MTMR3: variants seen among roughly 807,000 people sequenced by gnomAD.
The protein encoded by MTMR3 is myotubularin related protein 3.
In MTMR3, 32 loss-of-function variants were observed where a neutral mutation model predicts 132.4. The ratio of observed to expected loss-of-function variants is 0.24; its 90% confidence interval spans 0.18 to 0.32. The LOEUF (loss-of-function observed/expected upper bound fraction) is 0.32, where lower values mean the gene tolerates loss of function less well. Ranked by LOEUF, MTMR3 falls within the 10% of genes least tolerant of loss-of-function variation. The pLI is 1.00. For synonymous variants in MTMR3, 556 were observed against 550.3 expected, an observed-to-expected ratio of 1.01 and a Z score of -0.14; for missense variants, 1,216 against 1,489.6, an observed-to-expected ratio of 0.82 and a Z score of 3.02.
intron 1 of MTMR3, among the ~76,000 whole-genome samples, chr22:29,909,927 G>A (rs906657553): frequency 1.1e-4 from 17 of 150,450 alleles, no homozygotes; most frequent in Non-Finnish European, 1.3e-4. Context: ...AGGCCGAGGC[G>A]GGCGGATCAT....
chr22:29,986,587 A>C, intron 5 of MTMR3: 2 of 984,588 alleles, frequency 2.0e-6, no homozygotes, highest in Non-Finnish European at 2.4e-6. Flanking sequence ...CCTTGGGGTT[A>C]AGGACGTAAA....
chr22:29,991,417 A>G lies in MTMR3; in HGVS notation c.294-87A>G, dbSNP rs1483023555. The G allele has an allele frequency of 1.3e-5, 17 of 1,357,368 alleles. 1 individual carries two copies. The South Asian group carries it at 1.9e-4, about 15-fold the overall frequency. The allele number at this position is 1,357,368 out of a possible 1,614,324, so 84.1% of individuals were successfully genotyped here. On this transcript the variant is annotated intron_variant, in intron 6 of 19. Transcript: ENST00000401950. Reference sequence around the variant, plus strand: ...TGGTTGTAGTTCCCACTTCACTACGAGTGGGCATTCTTGAAATAATGGCTT... The same window carrying G: ...TGGTTGTAGTTCCCACTTCACTACGGGTGGGCATTCTTGAAATAATGGCTT...
At chr22:30,010,387 TG>T (rs1193116476) in intron 12 of MTMR3, 7 of 152,174 alleles carry the variant, frequency 4.6e-5, no homozygotes, top group Admixed American at 1.3e-4. Context: ...ATAAATGTCT[TG>T]GGGATTTTAT....
At position 30,020,185 on chromosome 22, in the gene MTMR3, G is replaced by A; in HGVS notation, c.2526G>A (p.Val842=). ...CTTTTGAGACCAGAGGACCAAACGTGGACAGTTCTACAGACATGTTAGTGG... is the reference window on the plus strand; with the variant it reads ...CTTTTGAGACCAGAGGACCAAACGTAGACAGTTCTACAGACATGTTAGTGG... The part of the protein sequence containing the change: ...QVPFETRGPN[V]DSSTDMLVED... Residue 842 remains valine (V), a synonymous_variant, in exon 17 of 20, where the codon GTG becomes GTA. Coordinates refer to ENST00000401950, the MANE Select transcript of MTMR3 (RefSeq NM_021090.4). The A allele has an allele frequency of 1.2e-6, 2 of 1,614,188 alleles. No individual in the cohort carries two copies. Among genetic ancestry groups the A allele is most frequent in the Non-Finnish European group, 1.7e-6 (2 of 1,180,050 alleles).
chr22:30,012,679 T>G, intron 13 of MTMR3, 116 bp downstream of exon 13: 1 of 1,171,986 alleles, frequency 8.5e-7, no homozygotes, highest in African/African-American at 1.5e-5. Context: ...ATTTCTGTTT[T>G]GGTCATTGTT....
chr22:29,934,335 TAG>T (rs2068451337), intron 1 of MTMR3, among the ~76,000 whole-genome samples: 1 of 151,818 alleles, frequency 6.6e-6, no homozygotes, highest in African/African-American at 2.4e-5. Flanking sequence ...GCCTGGGCGG[TAG>T]AGAGAGACTC....
At chr22:29,984,252 T>C (rs1808988720) in intron 5 of MTMR3, 1 of 152,210 alleles carries the variant, frequency 6.6e-6, no homozygotes, top group Admixed American at 6.5e-5. Flanking sequence ...TACTTCCCAT[T>C]CAGGCTATAA....
At chr22:29,932,789 G>C (rs1396291305) in intron 1 of MTMR3, among the ~76,000 whole-genome samples, 6 of 152,108 alleles carry the variant, frequency 3.9e-5, no homozygotes, top group Non-Finnish European at 8.8e-5. Flanking sequence ...AATAATAATA[G>C]TTATAGAAAT....
At chr22:29,968,373 A>G (rs544276514) in intron 2 of MTMR3, among the ~76,000 whole-genome samples, 3 of 152,354 alleles carry the variant, frequency 2.0e-5, no homozygotes, top group African/African-American at 7.2e-5. Context: ...TATCTTTAGA[A>G]ATTTTATTCT....
intron 2 of MTMR3, among the ~76,000 whole-genome samples, chr22:29,970,072 C>G (rs1339074279): frequency 6.6e-6 from 1 of 152,188 alleles, no homozygotes; most frequent in Non-Finnish European, 1.5e-5. Flanking sequence ...CTTACTTACT[C>G]TTTGTATAAG....
rs141085204 is a variant in MTMR3, at chr22:29,893,495, A to G, written c.-138+10136A>G. 4.4e-3 allele frequency among the ~76,000 whole-genome samples: 677 copies of G among 152,306 alleles called. 6 individuals are homozygous for G. The highest frequency in any genetic ancestry group is 0.015 in the African/African-American group (639 of 41,542). Reference sequence around the variant, plus strand: ...TCCATGGTTTGCTGTGAGTGAATGAAAAAGAGCAGGTATGATTCCCCTCAC... The same window carrying G: ...TCCATGGTTTGCTGTGAGTGAATGAGAAAGAGCAGGTATGATTCCCCTCAC... On this transcript the variant is annotated intron_variant, in intron 1 of 19. Coordinates refer to ENST00000401950, the MANE Select transcript of MTMR3 (RefSeq NM_021090.4).
chr22:30,008,780 C>A, intron 11 of MTMR3: 1 of 417,458 alleles, frequency 2.4e-6, no homozygotes. Context: ...TATTTTATGT[C>A]AGTATCTTCT....
chr22:30,024,449 A>T (rs1243308103), intron 19 of MTMR3: 3 of 152,260 alleles, frequency 2.0e-5, no homozygotes, highest in Non-Finnish European at 4.4e-5. Context: ...AGAACTAGTT[A>T]CGAAGTACAG....
chr22:29,932,239 C>T (rs373888668), intron 1 of MTMR3, among the ~76,000 whole-genome samples: 1 of 152,126 alleles, frequency 6.6e-6, no homozygotes, highest in African/African-American at 2.4e-5. Context: ...TATGTATAGA[C>T]CCATGTAACT....
chr22:29,901,065 TATA>T (rs1018992674), intron 1 of MTMR3, among the ~76,000 whole-genome samples: 1 of 152,174 alleles, frequency 6.6e-6, no homozygotes, highest in Admixed American at 6.5e-5. Flanking sequence ...GTTAAGATTT[TATA>T]ATAATCTGTT....
At chr22:29,959,486 C>T (rs577101649) in intron 2 of MTMR3, among the ~76,000 whole-genome samples, 62 of 152,270 alleles carry the variant, frequency 4.1e-4, no homozygotes, top group African/African-American at 1.4e-3. Flanking sequence ...TCAAGCAATT[C>T]TCCTGCCTCA....
intron 10 of MTMR3, chr22:30,007,548 G>T: frequency 1.7e-6 from 1 of 593,214 alleles, no homozygotes; most frequent in Non-Finnish European, 2.9e-6. Context: ...TCTTGCCATT[G>T]TGACAAAAAT....
intron 1 of MTMR3, among the ~76,000 whole-genome samples, chr22:29,906,336 C>CT (rs897756878): frequency 1.2e-4 from 18 of 144,010 alleles, no homozygotes; most frequent in Non-Finnish European, 2.3e-4. Flanking sequence ...ATCTATCTGT[C>CT]TATCTATCTA....
intron 5 of MTMR3, chr22:29,982,766 C>T (rs1389370881): frequency 6.6e-6 from 1 of 152,082 alleles, no homozygotes; most frequent in African/African-American, 2.4e-5. Flanking sequence ...AGTTCCAGTT[C>T]CTGTGGTAAA....
Sources: allele counts gnomAD v4.1 joint callset (sites outside exome capture counted in the v4.1 genomes callset), GRCh38; gene constraint gnomAD v4.1.1; transcripts MANE v1.5; gene names NCBI Gene and HGNC (gene_info 2026-07-23, HGNC 2026-07-21).